The following ATXN1 variants were observed in gnomAD, a reference collection of about 807,000 sequenced individuals.
The protein encoded by ATXN1 is ataxin 1, also known as ataxin-1.
In ATXN1, 8 loss-of-function variants were observed where a neutral mutation model predicts 56.4. That is an observed-to-expected ratio of 0.14 (90% CI 0.08 to 0.26). ATXN1 has a LOEUF of 0.26. ATXN1 is among the 10% of genes least tolerant of loss of function. The pLI is 1.00. For missense variants in ATXN1, 987 were observed against 1,106.5 expected, an observed-to-expected ratio of 0.89 and a Z score of 1.53; for synonymous variants, 514 against 494.6, an observed-to-expected ratio of 1.04 and a Z score of -0.52.
chr6:16,359,289 G>T (rs948746409), intron 6 of ATXN1, among the ~76,000 whole-genome samples: 1 of 152,130 alleles, frequency 6.6e-6, no homozygotes, highest in Admixed American at 6.5e-5. Flanking sequence ...GTGGGGACTC[G>T]TGGTGCCTCT....
At chr6:16,700,643 C>A (rs1327779043) in intron 2 of ATXN1, among the ~76,000 whole-genome samples, 3 of 152,122 alleles carry the variant, frequency 2.0e-5, no homozygotes, top group Non-Finnish European at 4.4e-5. Context: ...CAGCTTCAGC[C>A]TCCTTTGGCT....
intron 6 of ATXN1, among the ~76,000 whole-genome samples, chr6:16,382,894 G>A (rs1359660658): frequency 6.7e-6 from 1 of 149,764 alleles, no homozygotes; most frequent in East Asian, 2.0e-4. Flanking sequence ...GATGGCAGAG[G>A]TGAATGGGAG....
chr6:16,382,451 G>A (rs1758149228), intron 6 of ATXN1, among the ~76,000 whole-genome samples: 1 of 152,080 alleles, frequency 6.6e-6, no homozygotes. Context: ...TGACAAGAGT[G>A]AGACTCTCTC....
chr6:16,551,627 G>A (rs1761922079), intron 4 of ATXN1, among the ~76,000 whole-genome samples: 1 of 152,122 alleles, frequency 6.6e-6, no homozygotes, highest in African/African-American at 2.4e-5. Context: ...TCCGAGCAGG[G>A]GAATGCTTTC....
intron 6 of ATXN1, among the ~76,000 whole-genome samples, chr6:16,353,686 A>T (rs1179247003): frequency 6.6e-6 from 1 of 152,170 alleles, no homozygotes; most frequent in Middle Eastern, 3.2e-3. Context: ...AAAAAGCAAA[A>T]AACAAAAAAC....
Position 16,337,382 on chromosome 6 carries a change from G to A in ATXN1, c.-160-8912C>T, listed in dbSNP as rs553897835. Among the ~76,000 whole-genome samples, 30 of 152,346 alleles carry A rather than the reference G, an allele frequency of 2.0e-4. No homozygotes were observed. In the South Asian group the frequency reaches 6.2e-3, roughly 32 times the overall value. On this transcript the variant is annotated intron_variant, in intron 6 of 7. Transcript: ENST00000436367. ...GAGCTGGAGGATCAGCCTGGATGAG[G>A]AAGGAGGAGGGGCGGGGCCACAGCT...
intron 5 of ATXN1, among the ~76,000 whole-genome samples, chr6:16,488,171 G>C (rs1760588549): frequency 6.6e-6 from 1 of 152,098 alleles, no homozygotes; most frequent in Non-Finnish European, 1.5e-5. Context: ...AGCAAATAAT[G>C]ACCCTGCTCT....
intron 6 of ATXN1, among the ~76,000 whole-genome samples, chr6:16,353,844 G>T (rs923112750): frequency 1.3e-5 from 2 of 151,492 alleles, no homozygotes; most frequent in Non-Finnish European, 2.9e-5. Flanking sequence ...CCCCTGAGTC[G>T]ATAATCAGAA....
chr6:16,435,097 T>C (rs1214808382), intron 6 of ATXN1, among the ~76,000 whole-genome samples: 1 of 152,218 alleles, frequency 6.6e-6, no homozygotes, highest in Non-Finnish European at 1.5e-5. Flanking sequence ...TTTAGGCATC[T>C]GTCTTGGGTA....
intron 3 of ATXN1, among the ~76,000 whole-genome samples, chr6:16,625,355 T>A (rs908930137): frequency 2.6e-5 from 4 of 152,194 alleles, no homozygotes; most frequent in African/African-American, 9.7e-5. Context: ...TTTCCATCAT[T>A]AAGAATCTTC....
At chr6:16,639,568 C>T (rs1380549700) in intron 3 of ATXN1, among the ~76,000 whole-genome samples, 2 of 152,220 alleles carry the variant, frequency 1.3e-5, no homozygotes, top group Non-Finnish European at 2.9e-5. Flanking sequence ...CCTGCCTCAG[C>T]TTCCCAAGGT....
chr6:16,391,416 TA>T (rs1294236001), intron 6 of ATXN1, among the ~76,000 whole-genome samples: 1 of 152,170 alleles, frequency 6.6e-6, no homozygotes, highest in African/African-American at 2.4e-5. Context: ...TTGCAGTCTC[TA>T]ATGGCCCTGG....
chr6:16,437,941 T>C (rs957630473), intron 6 of ATXN1, among the ~76,000 whole-genome samples: 4 of 152,208 alleles, frequency 2.6e-5, no homozygotes, highest in African/African-American at 9.7e-5. Flanking sequence ...AGAAGCAGCA[T>C]CATGCAATAG....
intron 6 of ATXN1, among the ~76,000 whole-genome samples, chr6:16,483,894 A>G (rs1381230221): frequency 6.6e-6 from 1 of 152,198 alleles, no homozygotes; most frequent in African/African-American, 2.4e-5. Context: ...CTTGTTTCCT[A>G]GGATAAAAAT....
chr6:16,359,181 TC>T (rs1164326581), intron 6 of ATXN1, among the ~76,000 whole-genome samples: 1 of 152,002 alleles, frequency 6.6e-6, no homozygotes, highest in Non-Finnish European at 1.5e-5. Context: ...GAAGACAGGG[TC>T]CGGGGCAGAA....
At position 16,743,296 on chromosome 6, in the gene ATXN1, T is replaced by C. The variant is rs564827041; in HGVS notation, c.-615+9937A>G. On this transcript the variant is annotated intron_variant, in intron 2 of 7. Coordinates refer to ENST00000436367, the MANE Select transcript of ATXN1 (RefSeq NM_001128164.2). ...AGCTTTCTTTCCAGAAAATTCATCA[T>C]TGGACCTTTCTTTCTCCTTAGCACA... 9.2e-5 allele frequency among the ~76,000 whole-genome samples: 14 copies of C among 152,366 alleles called. No homozygotes were observed. The South Asian group carries it at 1.2e-3, about 14-fold the overall frequency.
At chr6:16,742,106 AT>A (rs1213550033) in intron 2 of ATXN1, among the ~76,000 whole-genome samples, 1 of 151,914 alleles carries the variant, frequency 6.6e-6, no homozygotes, top group Non-Finnish European at 1.5e-5. Context: ...TAACCATGGC[AT>A]TTTTTTCTTC....
rs368483513 is a variant in ATXN1 at position 16,507,419 on chromosome 6, C to A, written c.-299+15208G>T. On this transcript the variant is annotated intron_variant, in intron 5 of 7. Transcript: ENST00000436367. ...TCTAGGAAAGACTGACCTTTGAATA[C>A]GCCAGACAAGTATTTTTCTTAGCAA... Among the ~76,000 whole-genome samples the A allele has an allele frequency of 3.9e-4, 60 of 152,302 alleles. 2 individuals are homozygous for A. The South Asian group carries it at 5.2e-3, about 13-fold the overall frequency.
At chr6:16,531,579 T>C (rs1761504481) in intron 4 of ATXN1, among the ~76,000 whole-genome samples, 2 of 147,544 alleles carry the variant, frequency 1.4e-5, no homozygotes, top group Non-Finnish European at 3.0e-5. Context: ...GCCGAGATCA[T>C]GCCATTGCAC....
Sources: allele counts gnomAD v4.1 joint callset (sites outside exome capture counted in the v4.1 genomes callset), GRCh38; gene constraint gnomAD v4.1.1; transcripts MANE v1.5; gene names NCBI Gene and HGNC (gene_info 2026-07-23, HGNC 2026-07-21).